Variants in GUCA1C observed in about 807,000 individuals in gnomAD.
GUCA1C encodes the protein guanylate cyclase activator 1C.
Under a neutral mutation model 16.2 loss-of-function variants are expected in GUCA1C, and 15 were observed. The observed-to-expected ratio is 0.93, with a 90% CI of 0.62 to 1.43. GUCA1C has a LOEUF of 1.43. Ranked by LOEUF, GUCA1C falls within the 40% of genes most tolerant of loss-of-function variation. The pLI is 0.00. For missense variants in GUCA1C, 275 were observed against 244.8 expected, an observed-to-expected ratio of 1.12 and a Z score of -0.82; for synonymous variants, 78 against 85.4, an observed-to-expected ratio of 0.91 and a Z score of 0.48.
rs1946416823 is a variant in GUCA1C at position 108,908,732 on chromosome 3, T to C, written c.443-523A>G. On this transcript the variant is annotated intron_variant, in intron 3 of 3. Transcript: ENST00000261047. ...TACTCCTTTTCTGGTTTTTGAGTCC[T>C]GATCTTATCACCTTGACTTACACCT... Among the ~76,000 whole-genome samples the C allele has an allele frequency of 3.9e-5, 6 of 152,342 alleles. No homozygotes were observed. The South Asian group carries it at 1.2e-3, about 32-fold the overall frequency.
chr3:108,922,160 A>ACACACAC (rs1946575367), intron 1 of GUCA1C, among the ~76,000 whole-genome samples: 6 of 52,072 alleles, frequency 1.2e-4, no homozygotes, highest in African/African-American at 4.3e-4. Flanking sequence ...CACATACACA[A>ACACACAC]ACACACACAC....
chr3:108,926,871 G>T (rs1183640861), intron 1 of GUCA1C, among the ~76,000 whole-genome samples: 3 of 151,914 alleles, frequency 2.0e-5, no homozygotes, highest in Non-Finnish European at 4.4e-5. Flanking sequence ...TTATTTTGAG[G>T]ATTTGTTTCA....
In GUCA1C at chr3:108,936,631, G is replaced by A. The variant is rs144044404; in HGVS notation, c.205-16046C>T. On this transcript the variant is annotated intron_variant, in intron 1 of 3. Coordinates refer to ENST00000261047, the MANE Select transcript of GUCA1C (RefSeq NM_005459.4). ...ATTAAATTGTCTTTCTAGGAGAGGC[G>A]TCACAGACTTGAGTAGATGGGACAC... Among the ~76,000 whole-genome samples the A allele has an allele frequency of 6.9e-3, 1,052 of 152,298 alleles. 14 individuals carry two copies. Among genetic ancestry groups the A allele is most frequent in the Non-Finnish European group, 7.3e-3 (498 of 68,042 alleles).
intron 1 of GUCA1C, among the ~76,000 whole-genome samples, chr3:108,952,006 G>C (rs1012241913): frequency 7.9e-5 from 12 of 152,188 alleles, no homozygotes; most frequent in African/African-American, 2.9e-4. Flanking sequence ...GCAACCTAAC[G>C]GCTGGCATGG....
intron 1 of GUCA1C, among the ~76,000 whole-genome samples, chr3:108,926,775 C>T (rs547111040): frequency 2.2e-4 from 34 of 151,396 alleles, no homozygotes; most frequent in Admixed American, 7.2e-4. Context: ...CCACTATGCC[C>T]GGCCTGTTTT....
chr3:108,919,070 C>A (rs1220682842), intron 2 of GUCA1C, among the ~76,000 whole-genome samples: 1 of 152,144 alleles, frequency 6.6e-6, no homozygotes, highest in East Asian at 1.9e-4. Context: ...CACTTACACC[C>A]TCTCCACAGT....
intron 1 of GUCA1C, 51 bp downstream of exon 1, chr3:108,953,508 G>T: frequency 1.3e-5 from 15 of 1,126,134 alleles, no homozygotes; most frequent in Non-Finnish European, 1.8e-5. Context: ...AAAAAGGGAA[G>T]AGTGCAGAAC....
intron 1 of GUCA1C, among the ~76,000 whole-genome samples, chr3:108,924,551 A>T (rs920795089): frequency 6.6e-6 from 1 of 151,848 alleles, no homozygotes; most frequent in Non-Finnish European, 1.5e-5. Flanking sequence ...CTAGTATTTT[A>T]TTGAGGGTTT....
At chr3:108,918,558 A>G (rs1946539861) in intron 2 of GUCA1C, among the ~76,000 whole-genome samples, 1 of 152,118 alleles carries the variant, frequency 6.6e-6, no homozygotes, top group African/African-American at 2.4e-5. Context: ...CATGTTATTG[A>G]CCTGGGGGGT....
At position 108,952,543 on chromosome 3, in the gene GUCA1C, C is replaced by A. The variant is rs145239031; in HGVS notation, c.204+1016G>T. 2.0e-5 allele frequency among the ~76,000 whole-genome samples: 3 copies of A among 152,288 alleles called. No individual in the cohort carries two copies. The East Asian group carries it at 5.8e-4, about 29-fold the overall frequency. On this transcript the variant is annotated intron_variant, in intron 1 of 3. Coordinates refer to ENST00000261047, the MANE Select transcript of GUCA1C (RefSeq NM_005459.4). ...GCTGTTAATTTTGCACAGGTTTAAT[C>A]TTCCCAAGTTCCTGCCTGTTACCTC...
chr3:108,911,951 C>G (rs956817959), intron 3 of GUCA1C, among the ~76,000 whole-genome samples: 3 of 151,752 alleles, frequency 2.0e-5, no homozygotes, highest in African/African-American at 7.3e-5. Context: ...ACTAAAAATA[C>G]AAAAATTAGC....
chr3:108,911,356 G>A (rs115380552), intron 3 of GUCA1C, among the ~76,000 whole-genome samples: 1,949 of 152,206 alleles, frequency 0.013, 44 homozygotes, highest in African/African-American at 0.045. Context: ...GTCTAAAGAA[G>A]TCATCCTGGT....
chr3:108,930,233 T>C (rs1041667549), intron 1 of GUCA1C, among the ~76,000 whole-genome samples: 4 of 152,212 alleles, frequency 2.6e-5, no homozygotes, highest in African/African-American at 9.6e-5. Context: ...CTGGAGTATT[T>C]GTGATGCCAG....
chr3:108,942,770 A>G (rs1946800193), intron 1 of GUCA1C, among the ~76,000 whole-genome samples: 1 of 152,202 alleles, frequency 6.6e-6, no homozygotes, highest in Non-Finnish European at 1.5e-5. Context: ...GGATGTGCCT[A>G]TCTTCCCCAC....
At chr3:108,954,039 G>A, upstream of GUCA1C, 1 of 446,114 alleles carries the variant, frequency 2.2e-6, no homozygotes, top group South Asian at 3.7e-5. Flanking sequence ...ATATTTTAGA[G>A]AGGGTGATCC....
At chr3:108,918,797 C>T (rs971722708) in intron 2 of GUCA1C, among the ~76,000 whole-genome samples, 1 of 151,958 alleles carries the variant, frequency 6.6e-6, no homozygotes, top group East Asian at 1.9e-4. Context: ...TTTTTTTCAC[C>T]TGCCCATTAT....
chr3:108,913,415 T>C (rs959361124), intron 3 of GUCA1C, among the ~76,000 whole-genome samples: 10 of 152,096 alleles, frequency 6.6e-5, no homozygotes, highest in Non-Finnish European at 1.3e-4. Context: ...GTGGTGCTAA[T>C]TCCCCCTTTA....
rs191721694 is a variant in GUCA1C at position 108,936,722 on chromosome 3, A to T, written c.205-16137T>A. Among the ~76,000 whole-genome samples the T allele has an allele frequency of 3.9e-5, 6 of 152,320 alleles. No individual in the cohort carries two copies. In the East Asian group the frequency reaches 1.2e-3, roughly 29 times the overall value. ...TACTTGGTAGTAGACAGAATTGTAT[A>T]AAGTAAGGAAATTCAGAGGTGCTTG... is the stretch of plus-strand genomic sequence containing the variant. On this transcript the variant is annotated intron_variant, in intron 1 of 3. Coordinates refer to ENST00000261047, the MANE Select transcript of GUCA1C (RefSeq NM_005459.4).
At chr3:108,915,594 G>C (rs998861808) in intron 3 of GUCA1C, among the ~76,000 whole-genome samples, 1 of 152,094 alleles carries the variant, frequency 6.6e-6, no homozygotes, top group Non-Finnish European at 1.5e-5. Flanking sequence ...GAAATAATCA[G>C]AGCAGAAATG....
Sources: gnomAD v4.1 joint callset for allele counts (sites outside exome capture counted in the v4.1 genomes callset) on GRCh38, gnomAD v4.1.1 for gene constraint, MANE v1.5 for transcripts, NCBI Gene and HGNC (gene_info 2026-07-23, HGNC 2026-07-21) for gene names.